PCDHGA10: variants seen among roughly 807,000 people sequenced by gnomAD.
PCDHGA10 encodes the protein protocadherin gamma subfamily A, 10.
PCDHGA10 carries 42 observed loss-of-function variants against 59.5 expected under a neutral mutation model. That is an observed-to-expected ratio of 0.71 (90% CI 0.55 to 0.91). The LOEUF is 0.91. PCDHGA10 is among the 40% of genes least tolerant of loss of function. The pLI is 0.00. For synonymous variants in PCDHGA10, 511 were observed against 517.2 expected, an observed-to-expected ratio of 0.99 and a Z score of 0.16; for missense variants, 1,111 against 1,198.2, an observed-to-expected ratio of 0.93 and a Z score of 1.07.
intron 1 of PCDHGA10, among the ~76,000 whole-genome samples, chr5:141,434,609 G>T (rs189866750): frequency 1.3e-5 from 2 of 151,946 alleles, no homozygotes; most frequent in Non-Finnish European, 2.9e-5. Flanking sequence ...CTTTATTTCC[G>T]CCCATCTCTT....
chr5:141,417,869 A>C, intron 1 of PCDHGA10: 2 of 1,553,552 alleles, frequency 1.3e-6, no homozygotes, highest in South Asian at 2.4e-5. Context: ...GATGGGAGGG[A>C]GCTGCGCGCA....
At chr5:141,425,719 A>G (rs2096890303) in intron 1 of PCDHGA10, among the ~76,000 whole-genome samples, 1 of 152,200 alleles carries the variant, frequency 6.6e-6, no homozygotes. Context: ...TTCCCATACC[A>G]CTTGATGGGG....
At chr5:141,462,547 T>G (rs534942187) in intron 1 of PCDHGA10, among the ~76,000 whole-genome samples, 1 of 152,330 alleles carries the variant, frequency 6.6e-6, no homozygotes, top group African/African-American at 2.4e-5. Flanking sequence ...TCTTTTCTTC[T>G]TCAGTGTTTA....
At chr5:141,417,950 GAGCCGATCCGCT>G (rs1361985861) in intron 1 of PCDHGA10, 1 of 1,613,484 alleles carries the variant, frequency 6.2e-7, no homozygotes, top group African/African-American at 1.3e-5. Context: ...CACGCTGTGT[GAGCCGATCCGCT>G]ACTCGATTCC....
rs1321959107 is a variant in PCDHGA10, at chr5:141,414,821, A to G, written c.1646A>G (p.Asn549Ser). The G allele has an allele frequency of 6.2e-7, 1 of 1,614,226 alleles. No individual in the cohort carries two copies. The highest frequency in any genetic ancestry group is 1.1e-5 in the South Asian group (1 of 91,088). Residue 549 changes from asparagine (N) to serine (S), a missense_variant, in exon 1 of 4, where the codon AAC becomes AGC. Asn to Ser is a conservative substitution (Grantham distance 46). Coordinates refer to ENST00000398610, the MANE Select transcript of PCDHGA10 (RefSeq NM_018913.3). ...AGCGGGGATCCTCCACTCAGCAGCA[A>G]CGTGTCGTTGAGCCTGTTTGTGCTG... ...SDSGDPPLSS[N>S]VSLSLFVLDQ... is the part of the protein sequence containing the mutation.
chr5:141,495,415 C>T (rs1385371906), intron 2 of PCDHGA10, among the ~76,000 whole-genome samples: 1 of 152,194 alleles, frequency 6.6e-6, no homozygotes, highest in Admixed American at 6.5e-5. Context: ...TTCTCCGGCC[C>T]CTCCTCCCAC....
chr5:141,482,102 A>T (rs1016315214), intron 1 of PCDHGA10, among the ~76,000 whole-genome samples: 13 of 151,860 alleles, frequency 8.6e-5, no homozygotes, highest in African/African-American at 2.7e-4. Context: ...AAAAAAAAAA[A>T]AAATATCTAG....
rs776773140 is a variant in PCDHGA10, at chr5:141,476,589, G to T, written c.2437-18218G>T. The T allele has an allele frequency of 6.2e-7, 1 of 1,614,246 alleles. No individual in the cohort carries two copies. Among genetic ancestry groups the T allele is most frequent in the South Asian group, 1.1e-5 (1 of 91,090 alleles). On this transcript the variant is annotated intron_variant, in intron 1 of 3. Coordinates refer to ENST00000398610, the MANE Select transcript of PCDHGA10 (RefSeq NM_018913.3). This position sits in a 1 kb window ranked among gnomAD's most constrained non-coding sequence, Gnocchi z 7.6. ...CCGGGGACGCGCTTTCCGCTCGAGA[G>T]CGCGCACGATCCCGATGTGGGAAGC...
chr5:141,462,183 C>A (rs1439465872), intron 1 of PCDHGA10, among the ~76,000 whole-genome samples: 1 of 152,158 alleles, frequency 6.6e-6, no homozygotes. Flanking sequence ...TGGTCTTGAA[C>A]TCCTGACCTC....
chr5:141,418,079 C>A, intron 1 of PCDHGA10: 1 of 1,614,048 alleles, frequency 6.2e-7, no homozygotes, highest in Non-Finnish European at 8.5e-7. Context: ...GGAGAAGCTG[C>A]ACTTCAGCGT....
intron 1 of PCDHGA10, among the ~76,000 whole-genome samples, chr5:141,472,991 AAAAAAAGAAAGAAAAAG>A (rs2099310051): frequency 6.6e-6 from 1 of 151,894 alleles, no homozygotes; most frequent in Admixed American, 6.6e-5. Flanking sequence ...AAAAAAAAAA[AAAAAAAGAAAGAAAAAG>A]AAAAAGAAAG....
At position 141,477,855 on chromosome 5, in the gene PCDHGA10, T is replaced by C; in HGVS notation, c.2437-16952T>C. The C allele has an allele frequency of 1.2e-6, 2 of 1,613,698 alleles. No individual in the cohort carries two copies. The highest frequency in any genetic ancestry group is 1.7e-6 in the Non-Finnish European group (2 of 1,179,882). On this transcript the variant is annotated intron_variant, in intron 1 of 3. Coordinates refer to ENST00000398610, the MANE Select transcript of PCDHGA10 (RefSeq NM_018913.3). The surrounding 1 kb of genome is among the most constrained non-coding windows in gnomAD (Gnocchi z 4.9). ...CCAGGTGGGAGCTCGGTGGAGATGC[T>C]GCCTCGAGGTACCTCAGCTGGCCAC...
intron 1 of PCDHGA10, among the ~76,000 whole-genome samples, chr5:141,454,831 A>C (rs1489772379): frequency 1.3e-5 from 1 of 78,366 alleles, no homozygotes; most frequent in African/African-American, 6.7e-5. Context: ...TTTTTGAGAC[A>C]GAGTCGCGCT....
At chr5:141,470,825 C>G (rs557419577) in intron 1 of PCDHGA10, among the ~76,000 whole-genome samples, 24 of 152,182 alleles carry the variant, frequency 1.6e-4, no homozygotes, top group African/African-American at 4.1e-4. Context: ...GTAGTTAGGA[C>G]GACAAACACA....
chr5:141,437,058 T>C (rs539776847), intron 1 of PCDHGA10, among the ~76,000 whole-genome samples: 2 of 152,246 alleles, frequency 1.3e-5, no homozygotes, highest in Non-Finnish European at 2.9e-5. Context: ...CTGGTGATCA[T>C]TATTTGGTTT....
chr5:141,449,165 G>A (rs144669334), intron 1 of PCDHGA10, among the ~76,000 whole-genome samples: 3 of 152,234 alleles, frequency 2.0e-5, no homozygotes, highest in Admixed American at 1.3e-4. Context: ...GGAAATAGGT[G>A]TAATTTTCTT....
In PCDHGA10 at chr5:141,431,048, A is replaced by T; in HGVS notation, c.2436+15437A>T. On this transcript the variant is annotated intron_variant, in intron 1 of 3. Transcript: ENST00000398610. This position sits in a 1 kb window ranked among gnomAD's most constrained non-coding sequence, Gnocchi z 4.8. ...CAGGATAGACCGGGAGGAGCTCTGT[A>T]TGGGGGCCATCAAGTGTCAATTAAA... 6.2e-7 allele frequency: 1 copy of T among 1,614,180 alleles called. No homozygotes were observed. The highest frequency in any genetic ancestry group is 1.1e-5 in the South Asian group (1 of 91,088).
intron 1 of PCDHGA10, among the ~76,000 whole-genome samples, chr5:141,483,648 TTGTGTGTG>T (rs111458813): frequency 6.7e-6 from 1 of 149,592 alleles, no homozygotes; most frequent in Non-Finnish European, 1.5e-5. Flanking sequence ...GGGTGTGTGT[TTGTGTGTG>T]TGTGTGTGTG....
Position 141,490,198 on chromosome 5 carries a change from G to A in PCDHGA10, c.2437-4609G>A. ...GGAGTCACGTTTCTATGAAATTCAT[G>A]CAAGAGCCCGTGACCAGGGACAGCC... On this transcript the variant is annotated intron_variant, in intron 1 of 3. Coordinates refer to ENST00000398610, the MANE Select transcript of PCDHGA10 (RefSeq NM_018913.3). The surrounding 1 kb of genome is among the most constrained non-coding windows in gnomAD (Gnocchi z 5.4). The A allele has an allele frequency of 6.2e-7, 1 of 1,614,208 alleles. No homozygotes were observed. Among genetic ancestry groups the A allele is most frequent in the Non-Finnish European group, 8.5e-7 (1 of 1,180,038 alleles).
Sources: gnomAD v4.1 joint callset for allele counts (sites outside exome capture counted in the v4.1 genomes callset) on GRCh38, gnomAD v4.1.1 for gene constraint, Gnocchi (gnomAD v3.1) non-coding constraint, MANE v1.5 for transcripts, NCBI Gene and HGNC (gene_info 2026-07-23, HGNC 2026-07-21) for gene names.